PPP6R2: variants seen among roughly 807,000 people sequenced by gnomAD.
The protein encoded by PPP6R2 is serine/threonine-protein phosphatase 6 regulatory subunit 2.
PPP6R2 carries 62 observed loss-of-function variants against 100.2 expected under a neutral mutation model. That is an observed-to-expected ratio of 0.62 (90% confidence interval 0.50 to 0.76). PPP6R2 has a LOEUF of 0.76. Ranked by LOEUF, PPP6R2 falls within the 30% of genes least tolerant of loss-of-function variation. The pLI is 0.00. For missense variants in PPP6R2, 1,142 were observed against 1,276.3 expected (o/e 0.89, Z 1.60); for synonymous variants, 525 against 514.7 (o/e 1.02, Z -0.27).
rs2050209163 is a variant in PPP6R2, at chr22:50,371,532, TATC to T, written c.-147-485_-147-483del. On this transcript the variant is annotated intron_variant, in intron 1 of 23. Coordinates refer to ENST00000612753, the MANE Select transcript of PPP6R2 (RefSeq NM_001242898.2). ...AAAAAAAAAGAAAACTATCTTAAAA[TATC>T]ATTTTAACTGTCATGTTTGCTAGTT... 2.0e-5 allele frequency among the ~76,000 whole-genome samples: 3 copies of T among 152,136 alleles called. No homozygotes were observed. In the South Asian group the frequency reaches 6.2e-4, roughly 31 times the overall value.
intron 1 of PPP6R2, among the ~76,000 whole-genome samples, 167 bp from the exon 2 acceptor site, chr22:50,371,853 G>T (rs1445841560): frequency 6.6e-6 from 1 of 152,108 alleles, no homozygotes; most frequent in African/African-American, 2.4e-5. Context: ...ACCCAAGCTA[G>T]TCTTAAACTC....
At chr22:50,361,567 C>G (rs1318902083) in intron 1 of PPP6R2, among the ~76,000 whole-genome samples, 1 of 152,024 alleles carries the variant, frequency 6.6e-6, no homozygotes, top group East Asian at 1.9e-4. Flanking sequence ...TTCCTCCCTG[C>G]TGCTTTTTGG....
chr22:50,355,030 A>G (rs1291286698), intron 1 of PPP6R2, among the ~76,000 whole-genome samples: 1 of 151,350 alleles, frequency 6.6e-6, no homozygotes, highest in African/African-American at 2.4e-5. Flanking sequence ...TTTTGTGGAG[A>G]CAGGGCCTTG....
At chr22:50,436,264 C>A in intron 13 of PPP6R2, 103 bp from the exon 14 acceptor site, 1 of 995,040 alleles carries the variant, frequency 1.0e-6, no homozygotes, top group Non-Finnish European at 1.5e-6. Flanking sequence ...AGTAGCAGCG[C>A]CCCATCCTCC....
intron 2 of PPP6R2, among the ~76,000 whole-genome samples, chr22:50,377,804 C>G (rs924152498): frequency 1.3e-5 from 2 of 151,946 alleles, no homozygotes; most frequent in Non-Finnish European, 2.9e-5. Flanking sequence ...GTCAAGAGTT[C>G]CAGACCAGCC....
At chr22:50,342,866 C>T (rs2042559302), upstream of PPP6R2, among the ~76,000 whole-genome samples, 1 of 152,096 alleles carries the variant, frequency 6.6e-6, no homozygotes, top group Non-Finnish European at 1.5e-5. Flanking sequence ...AGGCCTGGCG[C>T]CCGGGGCTGA....
intron 8 of PPP6R2, among the ~76,000 whole-genome samples, chr22:50,419,722 G>A (rs140887115): frequency 8.1e-4 from 123 of 152,338 alleles, no homozygotes; most frequent in African/African-American, 2.8e-3. Flanking sequence ...GTCGATGTGC[G>A]TGGAACAGGT....
chr22:50,368,028 G>A (rs746033724), intron 1 of PPP6R2, among the ~76,000 whole-genome samples: 1 of 152,224 alleles, frequency 6.6e-6, no homozygotes. Flanking sequence ...TTTGGTAGCC[G>A]AGGCGGACAG....
At chr22:50,425,786 G>A (rs550853940) in intron 10 of PPP6R2, among the ~76,000 whole-genome samples, 4 of 152,122 alleles carry the variant, frequency 2.6e-5, no homozygotes, top group African/African-American at 9.6e-5. Context: ...AAGTGATGTC[G>A]AGCATCTTCT....
chr22:50,430,829 G>A (rs1408748363), intron 10 of PPP6R2, among the ~76,000 whole-genome samples: 3 of 147,420 alleles, frequency 2.0e-5, no homozygotes. Context: ...AGCCGAGATC[G>A]TGCCACTGCA....
chr22:50,366,158 C>T (rs1024807960), intron 1 of PPP6R2, among the ~76,000 whole-genome samples: 1 of 152,048 alleles, frequency 6.6e-6, no homozygotes, highest in African/African-American at 2.4e-5. Context: ...TTAGGTGGAA[C>T]CCTAGTAATT....
chr22:50,419,307 T>TAG (rs1421864779), intron 7 of PPP6R2, 42 bp from the exon 8 acceptor site: 7 of 1,531,288 alleles, frequency 4.6e-6, no homozygotes, highest in Middle Eastern at 3.4e-4. Context: ...TTTGTGTGTG[T>TAG]GTCTGCTCTG....
intron 2 of PPP6R2, chr22:50,389,076 GA>G (rs2054877294): frequency 6.6e-6 from 1 of 152,194 alleles, no homozygotes; most frequent in Non-Finnish European, 1.5e-5. Flanking sequence ...AAAAAGGAAA[GA>G]AGCTGAACTT....
intron 6 of PPP6R2, among the ~76,000 whole-genome samples, chr22:50,416,651 G>A (rs975683923): frequency 6.6e-6 from 1 of 151,598 alleles, no homozygotes; most frequent in Non-Finnish European, 1.5e-5. Flanking sequence ...TTTCTTAACT[G>A]AAAAATAATC....
the PPP6R2 span, among the ~76,000 whole-genome samples, chr22:50,337,020 T>C: frequency 6.6e-6 from 1 of 152,176 alleles, no homozygotes; most frequent in Non-Finnish European, 1.5e-5. Flanking sequence ...GTTGAAATCA[T>C]TGTGTGGTCT....
chr22:50,429,914 T>C (rs2148052191), intron 10 of PPP6R2, among the ~76,000 whole-genome samples: 1 of 152,276 alleles, frequency 6.6e-6, no homozygotes, highest in Admixed American at 6.5e-5. Flanking sequence ...GTGGAGAACA[T>C]GAAGCAAATG....
At chr22:50,377,966 G>C (rs1157737327) in intron 2 of PPP6R2, among the ~76,000 whole-genome samples, 1 of 151,710 alleles carries the variant, frequency 6.6e-6, no homozygotes, top group Non-Finnish European at 1.5e-5. Flanking sequence ...GAGCTTGAGC[G>C]CTCCAGCCTG....
At chr22:50,397,053 A>T (rs2057041930) in intron 3 of PPP6R2, among the ~76,000 whole-genome samples, 1 of 152,190 alleles carries the variant, frequency 6.6e-6, no homozygotes, top group African/African-American at 2.4e-5. Context: ...CAGGAATCCC[A>T]GAGTAGCATC....
At chr22:50,411,751 C>T (rs2059772395) in intron 4 of PPP6R2, among the ~76,000 whole-genome samples, 1 of 145,084 alleles carries the variant, frequency 6.9e-6, no homozygotes, top group Non-Finnish European at 1.5e-5. Context: ...GAGACTGTCT[C>T]AAACAAAAAC....
Sources: gnomAD v4.1 joint callset for allele counts (sites outside exome capture counted in the v4.1 genomes callset) on GRCh38, gnomAD v4.1.1 for gene constraint, MANE v1.5 for transcripts, NCBI Gene and HGNC (gene_info 2026-07-23, HGNC 2026-07-21) for gene names.